Variants in SDK1 observed in about 807,000 individuals in gnomAD.
SDK1 encodes protein sidekick-1.
SDK1 carries 157 observed loss-of-function variants against 245.5 expected under a neutral mutation model. The observed-to-expected ratio is 0.64, with a 90% CI of 0.56 to 0.73. The LOEUF is 0.73. SDK1 is among the 30% of genes least tolerant of loss of function. The probability of loss-of-function intolerance (pLI) is 0.00; values close to 1 mark genes in which losing one functional copy is unlikely to be tolerated. For synonymous variants in SDK1, 1,647 were observed against 1,278.5 expected (o/e 1.29, Z -6.15); for missense variants, 3,583 against 3,002.3 (o/e 1.19, Z -4.52).
At chr7:4,073,224 G>A (rs140375200) in intron 20 of SDK1, among the ~76,000 whole-genome samples, 20 of 152,208 alleles carry the variant, frequency 1.3e-4, no homozygotes, top group African/African-American at 4.6e-4. Context: ...AGCACTGCCT[G>A]AGCCCTCCAC....
chr7:3,660,276 G>A (rs1474815822), intron 4 of SDK1, among the ~76,000 whole-genome samples: 3 of 152,046 alleles, frequency 2.0e-5, no homozygotes, highest in Admixed American at 6.5e-5. Context: ...AAGGGATGGG[G>A]TAGCCAGGAG....
At chr7:4,126,743 C>T (rs983485110) in intron 25 of SDK1, among the ~76,000 whole-genome samples, 2 of 152,210 alleles carry the variant, frequency 1.3e-5, no homozygotes, top group African/African-American at 4.8e-5. Context: ...TCGAGAATGG[C>T]ATGGCTGGCC....
chr7:3,551,829 C>G (rs1027771416), intron 1 of SDK1, among the ~76,000 whole-genome samples: 1 of 152,124 alleles, frequency 6.6e-6, no homozygotes, highest in Non-Finnish European at 1.5e-5. Context: ...GCATGAGCCA[C>G]TGCACCTGGC....
At chr7:3,524,503 G>C (rs539805398) in intron 1 of SDK1, among the ~76,000 whole-genome samples, 1 of 152,254 alleles carries the variant, frequency 6.6e-6, no homozygotes, top group East Asian at 1.9e-4. Flanking sequence ...TGCCAAACAG[G>C]CCTTACTGAC....
At chr7:3,784,155 A>C (rs1214213470) in intron 4 of SDK1, among the ~76,000 whole-genome samples, 1 of 151,186 alleles carries the variant, frequency 6.6e-6, no homozygotes, top group African/African-American at 2.4e-5. Context: ...TCCTGGCCTG[A>C]AATGACTCAT....
intron 5 of SDK1, among the ~76,000 whole-genome samples, chr7:3,902,932 TA>T (rs750353576): frequency 9.3e-4 from 142 of 152,002 alleles, no homozygotes; most frequent in Non-Finnish European, 1.6e-3. Flanking sequence ...CACTCAACAA[TA>T]AAAAGACAAA....
chr7:3,659,410 T>C (rs1267086697), intron 4 of SDK1, among the ~76,000 whole-genome samples: 1 of 152,052 alleles, frequency 6.6e-6, no homozygotes. Flanking sequence ...AGATATAATA[T>C]TTATACCAAA....
chr7:3,561,789 C>G (rs1779760087), intron 1 of SDK1, among the ~76,000 whole-genome samples: 1 of 152,162 alleles, frequency 6.6e-6, no homozygotes, highest in East Asian at 1.9e-4. Flanking sequence ...AACAAGCAAG[C>G]TGAATAAATT....
chr7:3,307,742 G>C (rs1419181872), intron 1 of SDK1, among the ~76,000 whole-genome samples: 3 of 152,144 alleles, frequency 2.0e-5, no homozygotes, highest in South Asian at 2.1e-4. Flanking sequence ...AGTATCAGTA[G>C]GCCTCGTTTA....
chr7:4,257,171 A>G (rs1009764900), intron 44 of SDK1, among the ~76,000 whole-genome samples: 1 of 152,168 alleles, frequency 6.6e-6, no homozygotes, highest in Non-Finnish European at 1.5e-5. Context: ...GACCAACCCC[A>G]TCGTACCCAA....
chr7:3,341,432 A>C (rs1011768408), intron 1 of SDK1, among the ~76,000 whole-genome samples: 1 of 152,200 alleles, frequency 6.6e-6, no homozygotes, highest in Non-Finnish European at 1.5e-5. Context: ...CTTTCCTCTC[A>C]GGTTGGGAAC....
intron 1 of SDK1, among the ~76,000 whole-genome samples, chr7:3,592,091 G>T (rs1780894530): frequency 1.3e-5 from 2 of 152,214 alleles, no homozygotes; most frequent in Non-Finnish European, 2.9e-5. Flanking sequence ...ATTTTTGGAA[G>T]TAATGGAGGA....
chr7:3,503,961 C>T (rs1782303771), intron 1 of SDK1, among the ~76,000 whole-genome samples: 2 of 151,808 alleles, frequency 1.3e-5, no homozygotes, highest in Non-Finnish European at 2.9e-5. Context: ...ACCAACTTGA[C>T]CAACATGGTG....
chr7:3,609,866 A>G (rs1160643647), intron 1 of SDK1, among the ~76,000 whole-genome samples: 1 of 151,358 alleles, frequency 6.6e-6, no homozygotes, highest in Non-Finnish European at 1.5e-5. Context: ...ATGCCCAGCT[A>G]ATTTTTGTGT....
chr7:3,639,656 A>G lies in SDK1; in HGVS notation c.565+546A>G, dbSNP rs77811212. On this transcript the variant is annotated intron_variant, in intron 3 of 44. Transcript: ENST00000404826. ...TAAACAAAGGAGATATCAAGAATGC[A>G]GGAAGCTTAAATTTTCATGTAGTCT... Among the ~76,000 whole-genome samples the G allele has an allele frequency of 5.1e-3, 771 of 152,290 alleles. 12 individuals are homozygous for G. The highest frequency in any genetic ancestry group is 0.017 in the African/African-American group (714 of 41,550).
chr7:3,886,231 G>T (rs1162748249), intron 5 of SDK1, among the ~76,000 whole-genome samples: 1 of 152,178 alleles, frequency 6.6e-6, no homozygotes, highest in Non-Finnish European at 1.5e-5. Context: ...GCACATCGGG[G>T]ATTCTAATTC....
At chr7:3,803,020 A>G (rs1362902475) in intron 4 of SDK1, among the ~76,000 whole-genome samples, 1 of 152,216 alleles carries the variant, frequency 6.6e-6, no homozygotes, top group Non-Finnish European at 1.5e-5. Flanking sequence ...ATGTAAGTAT[A>G]TGTTTGGCTT....
intron 5 of SDK1, among the ~76,000 whole-genome samples, chr7:3,915,992 A>G (rs956822570): frequency 6.6e-6 from 1 of 152,264 alleles, no homozygotes; most frequent in Non-Finnish European, 1.5e-5. Flanking sequence ...TGACTGGAGC[A>G]GATCTCAATA....
chr7:3,309,946 A>C (rs1456351307), intron 1 of SDK1, among the ~76,000 whole-genome samples: 2 of 152,216 alleles, frequency 1.3e-5, no homozygotes, highest in Admixed American at 1.3e-4. Flanking sequence ...GAACTACTTA[A>C]GAAAAAAAGG....
Sources: allele counts gnomAD v4.1 joint callset (sites outside exome capture counted in the v4.1 genomes callset), GRCh38; gene constraint gnomAD v4.1.1; transcripts MANE v1.5; gene names NCBI Gene and HGNC (gene_info 2026-07-23, HGNC 2026-07-21).